IQGAP2: variants seen among roughly 807,000 people sequenced by gnomAD.
IQGAP2 encodes IQ motif containing GTPase activating protein 2.
IQGAP2 carries 173 observed loss-of-function variants against 201.3 expected under a neutral mutation model. The ratio of observed to expected loss-of-function variants is 0.86; its 90% confidence interval spans 0.76 to 0.98. The LOEUF (loss-of-function observed/expected upper bound fraction) is 0.98. IQGAP2 is among the 50% of genes least tolerant of loss of function. The pLI, the probability that IQGAP2 is intolerant of heterozygous loss-of-function variation, is 0.00. For synonymous variants in IQGAP2, 675 were observed against 673.9 expected, an observed-to-expected ratio of 1.00 and a Z score of -0.03; for missense variants, 1,687 against 1,864.8, an observed-to-expected ratio of 0.90 and a Z score of 1.76.
chr5:76,655,873 T>C (rs1752872424), intron 20 of IQGAP2, among the ~76,000 whole-genome samples: 1 of 152,236 alleles, frequency 6.6e-6, no homozygotes, highest in Non-Finnish European at 1.5e-5. Context: ...CATAAGTTGA[T>C]TCTTTATATA....
Position 76,611,091 on chromosome 5 carries a change from C to T in IQGAP2, c.1429C>T (p.Leu477Phe). 1 of 1,613,748 alleles carries T rather than the reference C, an allele frequency of 6.2e-7. No individual in the cohort carries two copies. The highest frequency in any genetic ancestry group is 8.5e-7 in the Non-Finnish European group (1 of 1,179,662). Residue 477 changes from leucine to phenylalanine, a missense_variant, in exon 13 of 36, where the codon CTC (leucine) becomes TTC (phenylalanine). Physicochemically the swap from Leu to Phe is conservative, Grantham distance 22. Coordinates refer to ENST00000274364, the MANE Select transcript of IQGAP2 (RefSeq NM_006633.5). ...TCCTTTGAGGACTTTAGAAACTTTGCTCCTACCTACTGCGAATATTAGTGA... is the reference window on the plus strand; with the variant it reads ...TCCTTTGAGGACTTTAGAAACTTTGTTCCTACCTACTGCGAATATTAGTGA... ...GNPLRTLETL[L>F]LPTANISDVD... is the part of the protein sequence containing the mutation.
chr5:76,653,695 G>A (rs959119580), intron 18 of IQGAP2, among the ~76,000 whole-genome samples: 4 of 152,212 alleles, frequency 2.6e-5, no homozygotes, highest in African/African-American at 9.7e-5. Context: ...GCTCCTTGAT[G>A]AAATAGCATC....
chr5:76,411,028 A>G (rs1751081888), intron 1 of IQGAP2, among the ~76,000 whole-genome samples: 1 of 152,228 alleles, frequency 6.6e-6, no homozygotes, highest in Non-Finnish European at 1.5e-5. Context: ...CAGCAGCAGC[A>G]GTAACAGCAG....
intron 2 of IQGAP2, among the ~76,000 whole-genome samples, chr5:76,537,862 C>T (rs1369042393): frequency 6.6e-6 from 1 of 152,094 alleles, no homozygotes; most frequent in Non-Finnish European, 1.5e-5. Flanking sequence ...TTTGGACCCT[C>T]GGGGCAGCAC....
intron 2 of IQGAP2, among the ~76,000 whole-genome samples, chr5:76,519,644 C>T (rs963498470): frequency 8.5e-5 from 13 of 152,180 alleles, no homozygotes; most frequent in African/African-American, 2.7e-4. Flanking sequence ...ATTTTGCATT[C>T]GTGCCAGCAA....
At chr5:76,562,316 C>A in intron 2 of IQGAP2, 80 bp from the exon 3 acceptor site, 1 of 1,019,380 alleles carries the variant, frequency 9.8e-7, no homozygotes, top group Non-Finnish European at 1.5e-6. Flanking sequence ...CCAACACACA[C>A]AGCGAAATGC....
intron 13 of IQGAP2, chr5:76,623,064 G>A: frequency 1.0e-6 from 1 of 1,004,646 alleles, no homozygotes; most frequent in South Asian, 1.4e-5. Context: ...CTGCCTTTGG[G>A]GTTTACAGTT....
chr5:76,550,545 G>T (rs1002131891), intron 2 of IQGAP2, among the ~76,000 whole-genome samples: 12 of 151,974 alleles, frequency 7.9e-5, no homozygotes, highest in African/African-American at 2.9e-4. Flanking sequence ...ATTAGGGAGT[G>T]GTGATGACTC....
intron 30 of IQGAP2, among the ~76,000 whole-genome samples, chr5:76,684,659 A>G (rs1002962069): frequency 2.0e-5 from 3 of 152,166 alleles, no homozygotes; most frequent in African/African-American, 7.2e-5. Flanking sequence ...TGAGATGGAG[A>G]CTGGAAGTGG....
At chr5:76,557,405 T>G (rs762513969) in intron 2 of IQGAP2, among the ~76,000 whole-genome samples, 12 of 152,176 alleles carry the variant, frequency 7.9e-5, no homozygotes, top group Non-Finnish European at 1.2e-4. Flanking sequence ...AAGTATCAAG[T>G]CCAGATTTTG....
chr5:76,681,375 A>G (rs532445515), intron 28 of IQGAP2, among the ~76,000 whole-genome samples: 1 of 152,258 alleles, frequency 6.6e-6, no homozygotes, highest in South Asian at 2.1e-4. Context: ...ACGAATCGAC[A>G]ACAAAACAAC....
chr5:76,524,260 C>T (rs1009712197), intron 2 of IQGAP2, among the ~76,000 whole-genome samples: 3 of 152,186 alleles, frequency 2.0e-5, no homozygotes, highest in African/African-American at 7.2e-5. Context: ...CACTTCTGAC[C>T]TGTGCTTGAT....
At chr5:76,440,686 C>T (rs923716930) in intron 1 of IQGAP2, among the ~76,000 whole-genome samples, 1 of 152,108 alleles carries the variant, frequency 6.6e-6, no homozygotes, top group African/African-American at 2.4e-5. Context: ...GAGCATACAG[C>T]CCATTATTGC....
rs766791151 is a variant in IQGAP2 at position 76,600,971 on chromosome 5, C to A, written c.1231C>A (p.Arg411Ser). 1 of 1,609,410 alleles carries A rather than the reference C, an allele frequency of 6.2e-7. No individual in the cohort carries two copies. Among genetic ancestry groups the A allele is most frequent in the Non-Finnish European group, 8.5e-7 (1 of 1,176,444 alleles). Reference sequence around the variant, plus strand: ...CAATCTGGACAAGGCATATGTGGAACGGTAAGGAACATTTTCCAAACCTTC... The same window carrying A: ...CAATCTGGACAAGGCATATGTGGAAAGGTAAGGAACATTTTCCAAACCTTC... ...LNNLDKAYVE[R>S]YANTLLSVKL... is the part of the protein sequence containing the mutation. The change falls in exon 11 of 36, where the codon CGT (arginine) becomes AGT (serine). Residue 411 changes from arginine to serine, a missense_variant and splice_region_variant. Physicochemically the swap from Arg to Ser is moderately radical, Grantham distance 110. Coordinates refer to ENST00000274364, the MANE Select transcript of IQGAP2 (RefSeq NM_006633.5).
chr5:76,456,916 C>T (rs561673574), intron 1 of IQGAP2, among the ~76,000 whole-genome samples: 1 of 152,210 alleles, frequency 6.6e-6, no homozygotes, highest in East Asian at 1.9e-4. Context: ...GAGACCTTTT[C>T]TCTACTGAAA....
At chr5:76,647,724 T>C (rs458142) in intron 17 of IQGAP2, among the ~76,000 whole-genome samples, 97,402 of 151,390 alleles carry the variant, frequency 0.64, 31,612 homozygotes, top group South Asian at 0.82. Context: ...ATACAGGCTC[T>C]AGTGAAAGCC....
chr5:76,535,127 G>C (rs1759542517), intron 2 of IQGAP2, among the ~76,000 whole-genome samples: 1 of 152,096 alleles, frequency 6.6e-6, no homozygotes, highest in South Asian at 2.1e-4. Context: ...GAAAGCACTG[G>C]GCATGATGCT....
At chr5:76,414,286 A>G (rs1185020062) in intron 1 of IQGAP2, among the ~76,000 whole-genome samples, 4 of 152,114 alleles carry the variant, frequency 2.6e-5, no homozygotes, top group Admixed American at 1.3e-4. Flanking sequence ...GAGCCTGGTA[A>G]GATAGTCACA....
chr5:76,500,173 CTTTA>C (rs1757198725), intron 2 of IQGAP2, among the ~76,000 whole-genome samples: 1 of 152,076 alleles, frequency 6.6e-6, no homozygotes, highest in Non-Finnish European at 1.5e-5. Flanking sequence ...CCTCGAAGAA[CTTTA>C]TTTACTTTCT....
Sources: allele counts gnomAD v4.1 joint callset (sites outside exome capture counted in the v4.1 genomes callset), GRCh38; gene constraint gnomAD v4.1.1; transcripts MANE v1.5; gene names NCBI Gene and HGNC (gene_info 2026-07-23, HGNC 2026-07-21).